Variants in INPP4B observed in about 807,000 individuals in gnomAD.
The protein encoded by INPP4B is inositol polyphosphate-4-phosphatase type II B.
In INPP4B, 55 loss-of-function variants were observed where a neutral mutation model predicts 122.5. The ratio of observed to expected loss-of-function variants is 0.45; its 90% CI spans 0.36 to 0.56. INPP4B has a LOEUF of 0.56. Ranked by LOEUF, INPP4B falls within the 20% of genes least tolerant of loss-of-function variation. INPP4B has a pLI of 0.00. For synonymous variants in INPP4B, 403 were observed against 388.7 expected, an observed-to-expected ratio of 1.04 and a Z score of -0.43; for missense variants, 1,000 against 1,097.7, an observed-to-expected ratio of 0.91 and a Z score of 1.26.
intron 1 of INPP4B, among the ~76,000 whole-genome samples, chr4:142,826,468 C>T (rs1339626910): frequency 6.6e-6 from 1 of 151,574 alleles, no homozygotes; most frequent in East Asian, 1.9e-4. Flanking sequence ...CTTTTCCATT[C>T]TCTTAATGCT....
intron 2 of INPP4B, among the ~76,000 whole-genome samples, chr4:142,611,602 A>G (rs767642045): frequency 6.9e-6 from 1 of 145,840 alleles, no homozygotes; most frequent in Non-Finnish European, 1.5e-5. Context: ...TCAAACACTT[A>G]ATTTTCCTTC....
intron 25 of INPP4B, among the ~76,000 whole-genome samples, chr4:142,050,461 T>C (rs184013335): frequency 2.6e-5 from 4 of 152,160 alleles, no homozygotes; most frequent in East Asian, 3.9e-4. Context: ...ATTCTTATAA[T>C]TCTATAAATA....
At chr4:142,246,101 TAC>T (rs199998594) in intron 11 of INPP4B, among the ~76,000 whole-genome samples, 1 of 136,964 alleles carries the variant, frequency 7.3e-6, no homozygotes, top group Non-Finnish European at 1.6e-5. Flanking sequence ...TGTGTGTGTA[TAC>T]ACACATATAT....
chr4:142,188,499 AAAAAAAAAAAAG>A (rs1216418836), intron 15 of INPP4B, among the ~76,000 whole-genome samples: 20 of 119,908 alleles, frequency 1.7e-4, no homozygotes, highest in African/African-American at 5.4e-4. Flanking sequence ...AAAAAAAAAA[AAAAAAAAAAAAG>A]AAAAAAAATA....
chr4:142,274,551 A>T (rs184176377), intron 9 of INPP4B, among the ~76,000 whole-genome samples: 2 of 151,964 alleles, frequency 1.3e-5, no homozygotes, highest in African/African-American at 4.8e-5. Flanking sequence ...CTGGAAAGTG[A>T]CTTAGCACTT....
At chr4:142,352,278 T>G (rs1285966111) in intron 7 of INPP4B, among the ~76,000 whole-genome samples, 2 of 151,918 alleles carry the variant, frequency 1.3e-5, no homozygotes, top group Non-Finnish European at 2.9e-5. Context: ...CCAAATGGCT[T>G]TCTTCCACAA....
intron 2 of INPP4B, among the ~76,000 whole-genome samples, chr4:142,672,606 G>T (rs995101194): frequency 6.6e-6 from 1 of 151,742 alleles, no homozygotes. Flanking sequence ...CAGTTATTTT[G>T]TTTTCTTATT....
chr4:142,772,651 C>T (rs776591139), intron 1 of INPP4B, among the ~76,000 whole-genome samples: 2 of 152,066 alleles, frequency 1.3e-5, no homozygotes, highest in African/African-American at 4.8e-5. Context: ...CTAAGGTCTA[C>T]ATAGGGAAAT....
At chr4:142,611,357 C>T (rs1419848817) in intron 2 of INPP4B, among the ~76,000 whole-genome samples, 7 of 152,066 alleles carry the variant, frequency 4.6e-5, no homozygotes, top group East Asian at 1.9e-4. Context: ...TGGGCAAGGA[C>T]ACAGACACGA....
chr4:142,633,484 T>C (rs1748433788), intron 2 of INPP4B, among the ~76,000 whole-genome samples: 2 of 152,158 alleles, frequency 1.3e-5, no homozygotes, highest in African/African-American at 4.8e-5. Flanking sequence ...GATCACTTGC[T>C]GGACTATCTT....
chr4:142,836,716 G>T (rs1455319970), intron 1 of INPP4B, among the ~76,000 whole-genome samples: 2 of 69,892 alleles, frequency 2.9e-5, no homozygotes, highest in African/African-American at 1.3e-4. Flanking sequence ...AAAAAGTACT[G>T]TCTACACACA....
At chr4:142,647,410 T>C (rs1480964311) in intron 2 of INPP4B, among the ~76,000 whole-genome samples, 1 of 152,134 alleles carries the variant, frequency 6.6e-6, no homozygotes, top group Non-Finnish European at 1.5e-5. Context: ...CCTATTTTTA[T>C]TGGTACAAGA....
chr4:142,380,570 A>G (rs1488242083), intron 7 of INPP4B, among the ~76,000 whole-genome samples: 1 of 152,022 alleles, frequency 6.6e-6, no homozygotes, highest in Admixed American at 6.6e-5. Flanking sequence ...TGGGAATGGC[A>G]CTCTTCTTTT....
intron 2 of INPP4B, among the ~76,000 whole-genome samples, chr4:142,611,667 GGAGTCTGGCTGTGTCACCCAGGC>G: frequency 8.6e-6 from 1 of 116,288 alleles, no homozygotes; most frequent in East Asian, 2.7e-4. Context: ...TTTTTGAGAT[GGAGTCTGGCTGTGTCACCCAGGC>G]TGGAGTCTGG....
intron 1 of INPP4B, among the ~76,000 whole-genome samples, chr4:142,759,266 T>G (rs942014279): frequency 2.0e-5 from 3 of 152,154 alleles, no homozygotes; most frequent in African/African-American, 7.2e-5. Flanking sequence ...AAACCCCTGT[T>G]TTGTATTCAA....
chr4:142,209,158 T>C (rs952843126), intron 12 of INPP4B, 132 bp from the exon 13 acceptor site: 6 of 499,734 alleles, frequency 1.2e-5, no homozygotes, highest in Non-Finnish European at 2.0e-5. Context: ...ATGAGCTTAT[T>C]AGCTTAAATA....
At chr4:142,161,989 CCTT>C (rs1022405834) in intron 16 of INPP4B, among the ~76,000 whole-genome samples, 2 of 151,794 alleles carry the variant, frequency 1.3e-5, no homozygotes, top group Non-Finnish European at 2.9e-5. Context: ...ATGTTTCTGT[CCTT>C]CTTCCTCTTC....
chr4:142,233,066 G>T (rs184845109), intron 12 of INPP4B, among the ~76,000 whole-genome samples: 4 of 152,182 alleles, frequency 2.6e-5, no homozygotes, highest in Non-Finnish European at 5.9e-5. Flanking sequence ...AGCAGCAAGC[G>T]CTGATGGAGG....
chr4:142,308,374 A>C (rs1190419019), intron 8 of INPP4B, among the ~76,000 whole-genome samples: 4 of 152,198 alleles, frequency 2.6e-5, no homozygotes, highest in Non-Finnish European at 4.4e-5. Context: ...AATCCTAAAA[A>C]TAACTGTATA....
Sources: gnomAD v4.1 joint callset for allele counts (sites outside exome capture counted in the v4.1 genomes callset) on GRCh38, gnomAD v4.1.1 for gene constraint, MANE v1.5 for transcripts, NCBI Gene and HGNC (gene_info 2026-07-23, HGNC 2026-07-21) for gene names.